The following CCDC85A variants were observed in gnomAD, a reference collection of about 807,000 sequenced individuals.
CCDC85A encodes coiled-coil domain containing 85A.
CCDC85A carries 38 observed loss-of-function variants against 50.2 expected under a neutral mutation model. That is an observed-to-expected ratio of 0.76 (90% CI 0.58 to 0.99). CCDC85A has a LOEUF of 0.99. CCDC85A is among the 50% of genes least tolerant of loss of function. CCDC85A has a pLI of 0.00. For synonymous variants in CCDC85A, 366 were observed against 301.4 expected (o/e 1.21, Z -2.22); for missense variants, 820 against 742.0 (o/e 1.11, Z -1.22).
Position 56,384,414 on chromosome 2 carries a change from G to T in CCDC85A, c.*59G>T. 6 of 1,473,840 alleles carry T rather than the reference G, an allele frequency of 4.1e-6. No homozygotes were observed. In the South Asian group the frequency reaches 6.8e-5, roughly 17 times the overall value. The allele number at this position is 1,473,840 out of a possible 1,614,324, so 91.3% of individuals were successfully genotyped here. A position where few individuals can be genotyped will look rare whatever the true frequency, so the allele number is the denominator to read the frequency against. ...GCCAGAAAGTGATAGAAGACAAGAA[G>T]AAAAAGGAAAGAGTGGGTTTCCACA... On this transcript the variant is annotated 3_prime_UTR_variant, in exon 6 of 6. Coordinates refer to ENST00000407595, the MANE Select transcript of CCDC85A (RefSeq NM_001080433.2).
At chr2:56,239,410 A>G (rs1256126227) in intron 2 of CCDC85A, among the ~76,000 whole-genome samples, 1 of 152,042 alleles carries the variant, frequency 6.6e-6, no homozygotes, top group Non-Finnish European at 1.5e-5. Flanking sequence ...ATTACTCTGT[A>G]GGGTTAATCT....
chr2:56,314,773 A>T (rs6545567), intron 2 of CCDC85A, among the ~76,000 whole-genome samples: 7,417 of 152,160 alleles, frequency 0.049, 608 homozygotes, highest in African/African-American at 0.17. Flanking sequence ...TGGCCACAGA[A>T]GGTTCCTTCC....
At chr2:56,197,148 A>C (rs1465523631) in intron 2 of CCDC85A, among the ~76,000 whole-genome samples, 11 of 152,198 alleles carry the variant, frequency 7.2e-5, no homozygotes, top group Admixed American at 7.2e-4. Context: ...TTGTGAGGGT[A>C]TCTCTCGAGA....
intron 1 of CCDC85A, among the ~76,000 whole-genome samples, chr2:56,187,924 T>G (rs868696485): frequency 1.2e-4 from 19 of 152,200 alleles, no homozygotes; most frequent in South Asian, 2.1e-4. Context: ...TTTTCTTCAT[T>G]GCATTAATTT....
intron 2 of CCDC85A, among the ~76,000 whole-genome samples, chr2:56,266,397 C>T (rs1373106819): frequency 4.6e-5 from 7 of 151,982 alleles, no homozygotes; most frequent in Non-Finnish European, 8.8e-5. Flanking sequence ...TAGCAAGACC[C>T]TGTTTCTAAT....
At chr2:56,276,169 T>G (rs912209464) in intron 2 of CCDC85A, among the ~76,000 whole-genome samples, 1 of 152,204 alleles carries the variant, frequency 6.6e-6, no homozygotes, top group Non-Finnish European at 1.5e-5. Flanking sequence ...AATTTTTTTC[T>G]TACTGGAACT....
chr2:56,333,359 T>G (rs1673909627), intron 2 of CCDC85A, among the ~76,000 whole-genome samples: 2 of 152,056 alleles, frequency 1.3e-5, no homozygotes, highest in African/African-American at 4.8e-5. Context: ...TAAGGCAAAG[T>G]TCATGAGGCA....
chr2:56,376,875 A>G (rs1405064955), intron 5 of CCDC85A, among the ~76,000 whole-genome samples: 1 of 152,190 alleles, frequency 6.6e-6, no homozygotes, highest in African/African-American at 2.4e-5. Context: ...TCTTCTTAAA[A>G]TTGTTTCAAT....
intron 2 of CCDC85A, among the ~76,000 whole-genome samples, chr2:56,230,817 C>T (rs1480871677): frequency 6.6e-6 from 1 of 152,212 alleles, no homozygotes; most frequent in Non-Finnish European, 1.5e-5. Context: ...GTCTCTTGAC[C>T]TTGGCTCTGG....
intron 2 of CCDC85A, among the ~76,000 whole-genome samples, chr2:56,318,781 T>C (rs1673030881): frequency 8.5e-5 from 13 of 152,138 alleles, no homozygotes; most frequent in Admixed American, 8.5e-4. Flanking sequence ...TTTGTATTTA[T>C]CTGGTTTTCA....
At chr2:56,203,367 T>G (rs931317266) in intron 2 of CCDC85A, among the ~76,000 whole-genome samples, 4 of 126,264 alleles carry the variant, frequency 3.2e-5, no homozygotes, top group Non-Finnish European at 5.5e-5. Context: ...AAAATTGTGT[T>G]TTTTTTTTTT....
At chr2:56,316,686 G>A (rs10167632) in intron 2 of CCDC85A, among the ~76,000 whole-genome samples, 8,340 of 152,056 alleles carry the variant, frequency 0.055, 759 homozygotes, top group African/African-American at 0.19. Flanking sequence ...TTTTAGTAAG[G>A]GGATGTTCTG....
Position 56,220,848 on chromosome 2 carries a change from G to A in CCDC85A, c.1240+27408G>A, listed in dbSNP as rs182593478. On this transcript the variant is annotated intron_variant, in intron 2 of 5. Transcript: ENST00000407595. ...GTCTCCTCATTACCAAGAATAGCAC[G>A]CAATAAAATGTTCCATAAATCTAGA... 7.9e-5 allele frequency among the ~76,000 whole-genome samples: 12 copies of A among 151,932 alleles called. No individual in the cohort carries two copies. The East Asian group carries it at 1.2e-3, about 15-fold the overall frequency.
At chr2:56,333,612 T>A (rs1673923317) in intron 2 of CCDC85A, among the ~76,000 whole-genome samples, 1 of 152,058 alleles carries the variant, frequency 6.6e-6, no homozygotes, top group Non-Finnish European at 1.5e-5. Context: ...TGGAATAGAC[T>A]GTGGGTGAAA....
intron 2 of CCDC85A, among the ~76,000 whole-genome samples, chr2:56,313,749 C>T (rs1417265896): frequency 6.6e-6 from 1 of 150,378 alleles, no homozygotes; most frequent in East Asian, 1.9e-4. Flanking sequence ...GGCACTGGAA[C>T]ATGATGTTGC....
chr2:56,188,331 A>T (rs945599118), intron 1 of CCDC85A, among the ~76,000 whole-genome samples: 1 of 152,186 alleles, frequency 6.6e-6, no homozygotes, highest in Non-Finnish European at 1.5e-5. Context: ...AGAAAGAGGG[A>T]ACTGTGATAT....
chr2:56,281,735 T>C (rs1671216520), intron 2 of CCDC85A, among the ~76,000 whole-genome samples: 3 of 152,198 alleles, frequency 2.0e-5, no homozygotes, highest in Admixed American at 2.0e-4. Context: ...GGATTTTGCC[T>C]TTTTTGATTA....
At chr2:56,341,877 C>A (rs1674388689) in intron 2 of CCDC85A, among the ~76,000 whole-genome samples, 1 of 152,114 alleles carries the variant, frequency 6.6e-6, no homozygotes, top group African/African-American at 2.4e-5. Flanking sequence ...CATGTTTTTT[C>A]TGTCAATGTC....
At chr2:56,352,182 C>A (rs1029903082) in intron 3 of CCDC85A, among the ~76,000 whole-genome samples, 2 of 151,996 alleles carry the variant, frequency 1.3e-5, no homozygotes, top group African/African-American at 4.8e-5. Flanking sequence ...AAGTTGGTGC[C>A]TTCTGTATCC....
Sources: allele counts gnomAD v4.1 joint callset (sites outside exome capture counted in the v4.1 genomes callset), GRCh38; gene constraint gnomAD v4.1.1; transcripts MANE v1.5; gene names NCBI Gene and HGNC (gene_info 2026-07-23, HGNC 2026-07-21).